The following QRICH2 variants were observed in gnomAD, a reference collection of about 807,000 sequenced individuals.
QRICH2 encodes the protein glutamine-rich protein 2.
A neutral mutation model predicts 168.3 loss-of-function variants in QRICH2; 119 were observed. The ratio of observed to expected loss-of-function variants is 0.71; its 90% CI spans 0.61 to 0.82. The LOEUF (loss-of-function observed/expected upper bound fraction) is 0.82, where lower values mean the gene tolerates loss of function less well. Among genes scored for constraint, QRICH2 ranks in the 40% least tolerant of loss-of-function variants. QRICH2 has a pLI of 0.00. For synonymous variants in QRICH2, 894 were observed against 951.2 expected (o/e 0.94, Z 1.11); for missense variants, 2,241 against 2,491.6 (o/e 0.90, Z 2.14).
intron 3 of QRICH2, among the ~76,000 whole-genome samples, chr17:76,299,754 T>C (rs1247965740): frequency 6.6e-6 from 1 of 151,184 alleles, no homozygotes; most frequent in African/African-American, 2.4e-5. Context: ...AACTAAACGA[T>C]ATTGCAAGAG....
intron 5 of QRICH2, among the ~76,000 whole-genome samples, chr17:76,288,401 A>G (rs1443618547): frequency 1.4e-5 from 2 of 145,350 alleles, no homozygotes; most frequent in Non-Finnish European, 3.0e-5. Flanking sequence ...AAAAAAAAAA[A>G]AAAAAAAAAA....
chr17:76,296,624 A>C (rs962560755), intron 3 of QRICH2, among the ~76,000 whole-genome samples: 1 of 152,072 alleles, frequency 6.6e-6, no homozygotes, highest in African/African-American at 2.4e-5. Context: ...CTAAAAATAC[A>C]AAAGTTAGCC....
chr17:76,278,928 C>G (rs186282856), intron 14 of QRICH2, 113 bp downstream of exon 14: 3 of 869,930 alleles, frequency 3.4e-6, no homozygotes, highest in Non-Finnish European at 5.6e-6. Context: ...TCCCACAGCA[C>G]TGCCTTCTGT....
At position 76,307,737 on chromosome 17, in the gene QRICH2, G is replaced by C. The variant is rs889344891; in HGVS notation, c.262C>G (p.Arg88Gly). The change falls in exon 1 of 19, where the codon CGC becomes GGC. Residue 88 changes from arginine to glycine, a missense_variant. Arg to Gly is a moderately radical substitution (Grantham distance 125). Transcript: ENST00000680821. This position sits in a 1 kb window ranked among gnomAD's most constrained non-coding sequence, Gnocchi z 5.3. ...EVPKGAPREK[R>G]RGVGQAPSSA... ...GAAGGCGCCTGGCCCACGCCCCTGC[G>C]CTTCTCCCGGGGCGCCCCCTTGGGC... The C allele has an allele frequency of 2.2e-6, 3 of 1,392,960 alleles. No homozygotes were observed. The highest frequency in any genetic ancestry group is 2.8e-5 in the East Asian group (1 of 36,064). The allele number at this position is 1,392,960 out of a possible 1,614,324, so 86.3% of individuals were successfully genotyped here. A position where few individuals can be genotyped will look rare whatever the true frequency, so the allele number is the denominator to read the frequency against.
Position 76,280,444 on chromosome 17 carries a change from T to G in QRICH2, c.4469A>C (p.Asp1490Ala). Residue 1490 changes from aspartate (D) to alanine (A), a missense_variant, in exon 11 of 19, where the codon GAC becomes GCC. Asp to Ala is a moderately radical substitution (Grantham distance 126). Around this residue, in one of 3 missense-constraint regions of QRICH2, gnomAD observed 2,047 missense variants for 2,303.8 expected, o/e 0.89. Coordinates refer to ENST00000680821, the MANE Select transcript of QRICH2 (RefSeq NM_001388453.1). The surrounding 1 kb of genome is among the most constrained non-coding windows in gnomAD (Gnocchi z 7.4). Reference sequence around the variant, plus strand: ...CACTTTGGTGGCCAGAGCACTCTTGTCGGCTTTCTGCCCAGAGACAGACAG... The same window carrying G: ...CACTTTGGTGGCCAGAGCACTCTTGGCGGCTTTCTGCCCAGAGACAGACAG... ...HLEMEIDVKA[D>A]KSALATKVSR... 6.2e-7 allele frequency: 1 copy of G among 1,613,830 alleles called. No homozygotes were observed.
At position 76,307,116 on chromosome 17, in the gene QRICH2, G is replaced by T. The variant is rs985159071; in HGVS notation, c.534+349C>A. ...GCCAGCTCTGGGTCCTTGGATGTCTGATAAGTGGTGGGCGAACCTCTCCCG... is the reference window on the plus strand; with the variant it reads ...GCCAGCTCTGGGTCCTTGGATGTCTTATAAGTGGTGGGCGAACCTCTCCCG... On this transcript the variant is annotated intron_variant, in intron 1 of 18. Coordinates refer to ENST00000680821, the MANE Select transcript of QRICH2 (RefSeq NM_001388453.1). This position sits in a 1 kb window ranked among gnomAD's most constrained non-coding sequence, Gnocchi z 5.3. 9.2e-5 allele frequency among the ~76,000 whole-genome samples: 14 copies of T among 152,022 alleles called. No homozygotes were observed. Among genetic ancestry groups the T allele is most frequent in the African/African-American group, 1.4e-4 (6 of 41,394 alleles).
intron 7 of QRICH2, among the ~76,000 whole-genome samples, chr17:76,286,474 T>C (rs991473872): frequency 6.6e-6 from 1 of 152,104 alleles, no homozygotes; most frequent in Non-Finnish European, 1.5e-5. Context: ...AGCAGGTTCG[T>C]GGTTGTCAGG....
Position 76,281,838 on chromosome 17 carries a change from C to T in QRICH2, c.4263+26G>A. ...TCTGTGGGGCCATGTCCAGTTGCAGCAGGAGGGAGGCGAGCAGAGCCCCAC... is the reference window on the plus strand; with the variant it reads ...TCTGTGGGGCCATGTCCAGTTGCAGTAGGAGGGAGGCGAGCAGAGCCCCAC... On this transcript the variant is annotated intron_variant, in intron 8 of 18. Transcript: ENST00000680821. The surrounding 1 kb of genome is among the most constrained non-coding windows in gnomAD (Gnocchi z 4.4). The T allele has an allele frequency of 6.2e-7, 1 of 1,604,402 alleles. No individual in the cohort carries two copies. The highest frequency in any genetic ancestry group is 8.5e-7 in the Non-Finnish European group (1 of 1,173,080).
chr17:76,294,457 G>A (rs976964792), intron 3 of QRICH2, among the ~76,000 whole-genome samples: 4 of 151,862 alleles, frequency 2.6e-5, no homozygotes, highest in Admixed American at 1.3e-4. Flanking sequence ...CTGACGTTCT[G>A]GGAGGCTAGG....
At chr17:76,279,498 G>A in intron 12 of QRICH2, 70 bp from the exon 13 acceptor site, 1 of 1,256,960 alleles carries the variant, frequency 8.0e-7, no homozygotes. Flanking sequence ...TTGGGGCTCT[G>A]CAGGCCCCTG....
chr17:76,300,704 C>T (rs774010741), intron 3 of QRICH2, among the ~76,000 whole-genome samples: 4 of 151,882 alleles, frequency 2.6e-5, no homozygotes, highest in Non-Finnish European at 5.9e-5. Flanking sequence ...GCAGACTGCT[C>T]GAGGCCAGGA....
intron 3 of QRICH2, among the ~76,000 whole-genome samples, chr17:76,299,216 C>T (rs2070855540): frequency 6.6e-6 from 1 of 152,126 alleles, no homozygotes; most frequent in African/African-American, 2.4e-5. Context: ...TTGGTCTTGA[C>T]ATCCCTCCCG....
In QRICH2 at chr17:76,293,502, G is replaced by A. The variant is rs1212851114; in HGVS notation, c.1225C>T (p.Pro409Ser). Reference protein sequence around the residue: ...QPGLVPASTYPHGVVPLSMGQ... With the variant: ...QPGLVPASTYSHGVVPLSMGQ... ...ATGCTGAGGGGTACCACACCATGTGGGTAAGTGCTAGCAGGCACTAATCCA... is the reference window on the plus strand; with the variant it reads ...ATGCTGAGGGGTACCACACCATGTGAGTAAGTGCTAGCAGGCACTAATCCA... Residue 409 changes from proline to serine, a missense_variant, in exon 4 of 19, where the codon CCA (proline) becomes TCA (serine). Coordinates refer to ENST00000680821, the MANE Select transcript of QRICH2 (RefSeq NM_001388453.1). The A allele has an allele frequency of 1.9e-6, 3 of 1,614,218 alleles. No homozygotes were observed. In the South Asian group the frequency reaches 3.3e-5, roughly 18 times the overall value.
chr17:76,297,627 A>G (rs1454381710), intron 3 of QRICH2, among the ~76,000 whole-genome samples: 1 of 152,204 alleles, frequency 6.6e-6, no homozygotes, highest in Non-Finnish European at 1.5e-5. Flanking sequence ...CATAATGAGG[A>G]GATAACTCAA....
intron 5 of QRICH2, among the ~76,000 whole-genome samples, chr17:76,289,337 C>A (rs138012134): frequency 1.9e-4 from 29 of 152,134 alleles, no homozygotes; most frequent in African/African-American, 6.3e-4. Context: ...CAGGCATGCA[C>A]CACCATGTCT....
At chr17:76,298,825 A>G (rs2070848486) in intron 3 of QRICH2, among the ~76,000 whole-genome samples, 1 of 152,020 alleles carries the variant, frequency 6.6e-6, no homozygotes, top group Non-Finnish European at 1.5e-5. Flanking sequence ...CATATTGGTC[A>G]GGCTGGTCTC....
chr17:76,287,216 T>C lies in QRICH2; in HGVS notation c.3987A>G (p.Glu1329=). The change falls in exon 7 of 19, where the codon GAA becomes GAG. Residue 1329 remains glutamate (E), a synonymous_variant. Coordinates refer to ENST00000680821, the MANE Select transcript of QRICH2 (RefSeq NM_001388453.1). Reference sequence around the variant, plus strand: ...CCTGGTCCTGCAGGTAAAGGGAGGCTTCAGAGACAGAATTTTCCATGGCAG... The same window carrying C: ...CCTGGTCCTGCAGGTAAAGGGAGGCCTCAGAGACAGAATTTTCCATGGCAG... ...GKAAMENSVS[E]ASLYLQDQLD... The C allele has an allele frequency of 6.2e-7, 1 of 1,613,828 alleles. No individual in the cohort carries two copies. Among genetic ancestry groups the C allele is most frequent in the Non-Finnish European group, 8.5e-7 (1 of 1,179,802 alleles).
Position 76,280,921 on chromosome 17 carries a change from G to T in QRICH2, c.4296C>A (p.Ala1432=). The change falls in exon 9 of 19, where the codon GCC becomes GCA. Residue 1432 remains alanine (A), a synonymous_variant. Coordinates refer to ENST00000680821, the MANE Select transcript of QRICH2 (RefSeq NM_001388453.1). This position sits in a 1 kb window ranked among gnomAD's most constrained non-coding sequence, Gnocchi z 7.4. ...DEELLGRVQS[A]ILQVQGDCEK... is the part of the protein sequence containing the mutation. ...CGCAGTCACCCTGCACCTGCAGGAT[G>T]GCACTCTGCACACGGCCCAGCAGCT... 6.2e-7 allele frequency: 1 copy of T among 1,612,310 alleles called. No homozygotes were observed.
intron 7 of QRICH2, among the ~76,000 whole-genome samples, chr17:76,283,210 C>T (rs536925412): frequency 1.8e-4 from 27 of 152,268 alleles, no homozygotes; most frequent in African/African-American, 6.5e-4. Context: ...AGTTCTCTCT[C>T]GAAAAGAGGA....
Sources: allele counts gnomAD v4.1 joint callset (sites outside exome capture counted in the v4.1 genomes callset), GRCh38; gene constraint gnomAD v4.1.1; regional missense constraint gnomAD v4.1.1; non-coding constraint Gnocchi (gnomAD v3.1); transcripts MANE v1.5; gene names NCBI Gene and HGNC (gene_info 2026-07-23, HGNC 2026-07-21).